PIK3R3: variants seen among roughly 807,000 people sequenced by gnomAD.
The protein encoded by PIK3R3 is phosphoinositide-3-kinase regulatory subunit 3.
In PIK3R3, 64 loss-of-function variants were observed where a neutral mutation model predicts 62.9. That is an observed-to-expected ratio of 1.02 (90% CI 0.83 to 1.25). PIK3R3 has a LOEUF of 1.25. Ranked by LOEUF, PIK3R3 falls within the 50% of genes most tolerant of loss-of-function variation. PIK3R3 has a pLI of 0.00. For missense variants in PIK3R3, 614 were observed against 561.6 expected (o/e 1.09, Z -0.94); for synonymous variants, 165 against 189.0 (o/e 0.87, Z 1.04).
rs754555774 is a variant in PIK3R3, at chr1:46,119,531, A to G, written c.106+12316T>C. On this transcript the variant is annotated intron_variant, in intron 1 of 9. Transcript: ENST00000262741. ...CAGAGACCCCTCTCTTAACTACTCC[A>G]CTATACTGCCTCTAGATTTCTAACA... 3.5e-4 allele frequency among the ~76,000 whole-genome samples: 54 copies of G among 152,290 alleles called. 1 individual carries two copies. Among genetic ancestry groups the G allele is most frequent in the Non-Finnish European group, 6.0e-4 (41 of 68,018 alleles).
At chr1:46,101,113 A>G (rs1175923342) in intron 1 of PIK3R3, among the ~76,000 whole-genome samples, 3 of 150,258 alleles carry the variant, frequency 2.0e-5, no homozygotes, top group Non-Finnish European at 4.4e-5. Context: ...CAGAGGTTGC[A>G]GCAAGCTGAG....
intron 1 of PIK3R3, among the ~76,000 whole-genome samples, chr1:46,119,699 G>C (rs1170340727): frequency 6.6e-6 from 1 of 151,438 alleles, no homozygotes; most frequent in Non-Finnish European, 1.5e-5. Flanking sequence ...CCAACTCTTG[G>C]TCTCAAGCAA....
chr1:46,072,231 T>C (rs540399628), intron 3 of PIK3R3, among the ~76,000 whole-genome samples: 2 of 152,246 alleles, frequency 1.3e-5, no homozygotes, highest in African/African-American at 4.8e-5. Context: ...CACTAGATTA[T>C]ACATTCCCAG....
the PIK3R3 span, among the ~76,000 whole-genome samples, chr1:46,150,403 G>A: frequency 6.6e-6 from 1 of 152,134 alleles, no homozygotes; most frequent in Non-Finnish European, 1.5e-5. Context: ...GGAATATATA[G>A]GATATGGAAT....
intron 8 of PIK3R3, 70 bp from the exon 9 acceptor site, chr1:46,046,158 C>T: frequency 1.1e-6 from 1 of 925,530 alleles, no homozygotes; most frequent in Non-Finnish European, 1.6e-6. Context: ...ATAAATAAAA[C>T]ACTCTTCTAA....
chr1:46,165,609 A>G, the PIK3R3 span, among the ~76,000 whole-genome samples: 14 of 149,974 alleles, frequency 9.3e-5, no homozygotes, highest in Admixed American at 9.3e-4. Context: ...CCTGGCCCCT[A>G]TTATTCTTAC....
chr1:46,171,453 G>A, the PIK3R3 span, among the ~76,000 whole-genome samples: 2 of 152,190 alleles, frequency 1.3e-5, no homozygotes, highest in African/African-American at 4.8e-5. Context: ...GGAACCAGGG[G>A]ACATTCCCTA....
rs893305866 is a variant in PIK3R3, at chr1:46,066,901, A to G, written c.495+10T>C. 6.2e-7 allele frequency: 1 copy of G among 1,605,590 alleles called. No individual in the cohort carries two copies. On this transcript the variant is annotated intron_variant, in intron 4 of 9. Coordinates refer to ENST00000262741, the MANE Select transcript of PIK3R3 (RefSeq NM_003629.4). ...TGCTCAATAGCTAGCAAGGATTTCC[A>G]TAATCATACCTGTTGGTATCTGGAC...
intron 1 of PIK3R3, 70 bp from the exon 2 acceptor site, chr1:46,080,820 C>A: frequency 1.1e-6 from 1 of 946,628 alleles, no homozygotes; most frequent in Non-Finnish European, 1.7e-6. Flanking sequence ...TCAGGAGCAG[C>A]TCACTAACCA....
In PIK3R3 at chr1:46,044,080, CTTT is replaced by C. The variant is rs11316852; in HGVS notation, c.1188-212_1188-210del. On this transcript the variant is annotated intron_variant, in intron 9 of 9. Coordinates refer to ENST00000262741, the MANE Select transcript of PIK3R3 (RefSeq NM_003629.4). This position sits in a 1 kb window ranked among gnomAD's most constrained non-coding sequence, Gnocchi z 4.2. ...CACAAATGTAAGGGTTTATTTATTT[CTTT>C]TTTTTTTTTTTAGACAGGGTCTCGC... is the stretch of plus-strand genomic sequence containing the variant. 2.1e-5 allele frequency among the ~76,000 whole-genome samples: 3 copies of C among 145,316 alleles called. No individual in the cohort carries two copies. Among genetic ancestry groups the C allele is most frequent in the African/African-American group, 5.1e-5 (2 of 39,512 alleles).
upstream of PIK3R3, chr1:46,132,889 C>A: frequency 1.7e-6 from 2 of 1,192,656 alleles, no homozygotes; most frequent in Non-Finnish European, 2.1e-6. Context: ...ATCAGCCATC[C>A]GCGCTCTCCC....
Position 46,087,086 on chromosome 1 carries a change from G to C in PIK3R3, c.107-6336C>G, listed in dbSNP as rs1651132530. 2.0e-5 allele frequency among the ~76,000 whole-genome samples: 3 copies of C among 152,174 alleles called. No individual in the cohort carries two copies. In the South Asian group the frequency reaches 6.2e-4, roughly 32 times the overall value. On this transcript the variant is annotated intron_variant, in intron 1 of 9. Transcript: ENST00000262741. ...GAACAATGAGAATACTTGGACACAG[G>C]GTGGGGAACATCACACACCAGGGCC...
intron 3 of PIK3R3, among the ~76,000 whole-genome samples, chr1:46,076,584 G>A (rs1010082683): frequency 2.0e-5 from 3 of 152,154 alleles, no homozygotes; most frequent in African/African-American, 4.8e-5. Flanking sequence ...CTCTTTACCA[G>A]AAACTAAAAT....
intron 1 of PIK3R3, among the ~76,000 whole-genome samples, chr1:46,111,626 T>A (rs1258113392): frequency 6.6e-6 from 1 of 152,028 alleles, no homozygotes; most frequent in Non-Finnish European, 1.5e-5. Context: ...CTCAGGAGGC[T>A]GAGGCATGAG....
chr1:46,043,595 G>A lies in PIK3R3; in HGVS notation c.*78C>T. The stretch of plus-strand genomic sequence containing the variant: ...TTGTGCAAAACAAGCAGTCTATGTA[G>A]AAAGAATGCCCTCATCGTAGTCTAA... On this transcript the variant is annotated 3_prime_UTR_variant, in exon 10 of 10. Transcript: ENST00000262741. 2.4e-6 allele frequency: 3 copies of A among 1,252,100 alleles called. No homozygotes were observed. The highest frequency in any genetic ancestry group is 3.5e-6 in the Non-Finnish European group (3 of 860,910). The allele number at this position is 1,252,100 out of a possible 1,614,324, so 77.6% of individuals were successfully genotyped here. A position where few individuals can be genotyped will look rare whatever the true frequency, so the allele number is the denominator to read the frequency against.
At chr1:46,153,918 AC>A in the PIK3R3 span, among the ~76,000 whole-genome samples, 1 of 152,252 alleles carries the variant, frequency 6.6e-6, no homozygotes, top group Non-Finnish European at 1.5e-5. Context: ...GGATCAGATA[AC>A]TTTTCCTGGA....
intron 1 of PIK3R3, among the ~76,000 whole-genome samples, chr1:46,103,229 G>C (rs1652877969): frequency 6.6e-6 from 1 of 152,152 alleles, no homozygotes; most frequent in Admixed American, 6.5e-5. Context: ...GAAATCTGGA[G>C]ATCTGCTTCA....
At chr1:46,168,369 T>G in the PIK3R3 span, among the ~76,000 whole-genome samples, 3 of 152,188 alleles carry the variant, frequency 2.0e-5, no homozygotes, top group African/African-American at 7.2e-5. Context: ...ACTGATTCAG[T>G]TCTGTGTCCT....
Position 46,043,721 on chromosome 1 carries a change from G to A in PIK3R3, c.1338C>T (p.Val446=). ...SLVQHNDSLN[V]RLAYPVHAQM... is the part of the protein sequence containing the mutation. ...GTGCATGAACAGGGTAGGCAAGCCT[G>A]ACGTTGAGGGAGTCGTTGTGCTGAA... Residue 446 remains valine, a synonymous_variant, in exon 10 of 10, where the codon GTC becomes GTT. Coordinates refer to ENST00000262741, the MANE Select transcript of PIK3R3 (RefSeq NM_003629.4). 1.1e-5 allele frequency: 17 copies of A among 1,614,242 alleles called. No homozygotes were observed. The highest frequency in any genetic ancestry group is 1.3e-5 in the Non-Finnish European group (15 of 1,180,032).
Sources: allele counts gnomAD v4.1 joint callset (sites outside exome capture counted in the v4.1 genomes callset), GRCh38; gene constraint gnomAD v4.1.1; non-coding constraint Gnocchi (gnomAD v3.1); transcripts MANE v1.5; gene names NCBI Gene and HGNC (gene_info 2026-07-23, HGNC 2026-07-21).